Variants in RBFOX1 observed in about 807,000 individuals in gnomAD.
RBFOX1 encodes the protein RNA binding fox-1 homolog 1, also known as RNA binding protein fox-1 homolog 1.
In RBFOX1, 8 loss-of-function variants were observed where a neutral mutation model predicts 57.7. That is an observed-to-expected ratio of 0.14 (90% CI 0.08 to 0.25). The LOEUF (loss-of-function observed/expected upper bound fraction) is 0.25, where lower values mean the gene tolerates loss of function less well. RBFOX1 is among the 10% of genes least tolerant of loss of function. The probability of loss-of-function intolerance (pLI) is 1.00; values close to 1 mark genes in which losing one functional copy is unlikely to be tolerated. For missense variants in RBFOX1, 611 were observed against 548.5 expected (o/e 1.11, Z -1.14); for synonymous variants, 326 against 222.4 (o/e 1.47, Z -4.15).
At chr16:5,455,013 T>TC (rs2068582983) in intron 1 of RBFOX1, among the ~76,000 whole-genome samples, 2 of 115,868 alleles carry the variant, frequency 1.7e-5, no homozygotes, top group African/African-American at 6.1e-5. Context: ...CTTTCTTTCT[T>TC]TCTTTCTTTC....
At chr16:6,041,730 C>G (rs1228686952) in intron 1 of RBFOX1, among the ~76,000 whole-genome samples, 2 of 152,134 alleles carry the variant, frequency 1.3e-5, no homozygotes, top group Non-Finnish European at 2.9e-5. Context: ...AAGGTCTGAC[C>G]AAATACATCA....
At chr16:5,792,267 C>G (rs922972359) in intron 3 of RBFOX1, among the ~76,000 whole-genome samples, 3 of 152,110 alleles carry the variant, frequency 2.0e-5, no homozygotes, top group African/African-American at 7.2e-5. Flanking sequence ...TGTTCCAGCC[C>G]TCTGTAATCC....
At chr16:5,671,583 G>A (rs2050014312) in intron 3 of RBFOX1, among the ~76,000 whole-genome samples, 1 of 152,196 alleles carries the variant, frequency 6.6e-6, no homozygotes, top group Non-Finnish European at 1.5e-5. Context: ...AGTTTCTGGA[G>A]CATTTAGTGG....
chr16:6,078,608 C>A (rs1303040635), intron 1 of RBFOX1, among the ~76,000 whole-genome samples: 4 of 152,144 alleles, frequency 2.6e-5, no homozygotes, highest in African/African-American at 9.7e-5. Context: ...ATTGGCTTCT[C>A]CTTTAGATGC....
At chr16:7,094,775 T>TGTGTGTGG (rs879519332) in intron 4 of RBFOX1, among the ~76,000 whole-genome samples, 11 of 139,796 alleles carry the variant, frequency 7.9e-5, no homozygotes, top group South Asian at 2.4e-4. Context: ...TGTGTGTGTG[T>TGTGTGTGG]GGGTGTGTGT....
Position 5,920,473 on chromosome 16 carries a change from G to A in RBFOX1, c.351+53138G>A, listed in dbSNP as rs1340111587. Among the ~76,000 whole-genome samples the A allele has an allele frequency of 5.9e-5, 9 of 152,124 alleles. 1 individual carries two copies. The highest frequency in any genetic ancestry group is 9.7e-5 in the African/African-American group (4 of 41,424). The stretch of plus-strand genomic sequence containing the variant: ...TTCTCGTGGGTGTATACCTAGGAGT[G>A]GAATTACTGGGTTATATGGCAATTC... On this transcript the variant is annotated intron_variant, in intron 4 of 19. Coordinates refer to the RBFOX1 transcript ENST00000641259.
At chr16:5,761,954 G>C (rs1042528925) in intron 3 of RBFOX1, among the ~76,000 whole-genome samples, 2 of 152,130 alleles carry the variant, frequency 1.3e-5, no homozygotes, top group African/African-American at 4.8e-5. Flanking sequence ...ATGGGAATGA[G>C]CTTCATGGCA....
chr16:6,818,962 A>T (rs969791699), intron 3 of RBFOX1, among the ~76,000 whole-genome samples: 3 of 149,446 alleles, frequency 2.0e-5, no homozygotes, highest in Non-Finnish European at 4.4e-5. Context: ...CCACCTCTCC[A>T]TGGGTTGAAA....
chr16:6,597,022 A>G (rs1030215972), intron 2 of RBFOX1, among the ~76,000 whole-genome samples: 1 of 152,138 alleles, frequency 6.6e-6, no homozygotes, highest in Non-Finnish European at 1.5e-5. Context: ...TTTCTTATCA[A>G]CTTGGTAAAG....
chr16:5,745,299 C>G (rs906194769), intron 3 of RBFOX1, among the ~76,000 whole-genome samples: 1 of 152,126 alleles, frequency 6.6e-6, no homozygotes, highest in South Asian at 2.1e-4. Context: ...TGCATAGTAT[C>G]CCATGGTGTA....
intron 4 of RBFOX1, among the ~76,000 whole-genome samples, chr16:7,180,934 A>C (rs2082576894): frequency 6.6e-6 from 1 of 152,242 alleles, no homozygotes; most frequent in Non-Finnish European, 1.5e-5. Context: ...GTGGTGGACC[A>C]TACGGTCTGT....
chr16:5,653,599 T>G (rs868576959), intron 3 of RBFOX1, among the ~76,000 whole-genome samples: 2 of 152,290 alleles, frequency 1.3e-5, no homozygotes, highest in African/African-American at 4.8e-5. Context: ...TGACCTCCTT[T>G]GCCTCTCCCT....
chr16:7,122,289 C>T (rs547240250), intron 4 of RBFOX1, among the ~76,000 whole-genome samples: 25 of 151,936 alleles, frequency 1.6e-4, no homozygotes, highest in Non-Finnish European at 2.9e-4. Flanking sequence ...TTTGAACTCT[C>T]AAAACATAAA....
At chr16:7,404,039 T>TTTTATTTTATTTTATTTTAA (rs2098292130) in intron 4 of RBFOX1, among the ~76,000 whole-genome samples, 1 of 143,546 alleles carries the variant, frequency 7.0e-6, no homozygotes, top group Non-Finnish European at 1.5e-5. Flanking sequence ...TTTTATTTTA[T>TTTTATTTTATTTTATTTTAA]TTTATTTTAT....
intron 1 of RBFOX1, among the ~76,000 whole-genome samples, chr16:6,117,331 T>A (rs184009131): frequency 1.6e-4 from 25 of 152,356 alleles, no homozygotes; most frequent in Admixed American, 1.4e-3. Context: ...AGAAGACAGC[T>A]TCACCTTCGT....
intron 12 of RBFOX1, 22 bp downstream of exon 12, chr16:7,653,969 G>C: frequency 6.8e-7 from 1 of 1,479,810 alleles, no homozygotes; most frequent in Non-Finnish European, 8.9e-7. Flanking sequence ...AGCCTCCTGG[G>C]TGGGCCTCCC....
At chr16:7,618,533 T>A (rs755291253) in intron 10 of RBFOX1, among the ~76,000 whole-genome samples, 1 of 149,968 alleles carries the variant, frequency 6.7e-6, no homozygotes, top group African/African-American at 2.4e-5. Context: ...AGGTGACATG[T>A]TTTTTTTTAA....
chr16:6,724,003 T>G (rs908707177), intron 3 of RBFOX1: 5 of 152,056 alleles, frequency 3.3e-5, no homozygotes, highest in African/African-American at 1.2e-4. Context: ...TTGGGAGAAG[T>G]GGATATTTGC....
intron 10 of RBFOX1, among the ~76,000 whole-genome samples, chr16:7,609,310 C>T (rs570716994): frequency 1.2e-4 from 18 of 152,144 alleles, no homozygotes; most frequent in Admixed American, 1.0e-3. Flanking sequence ...TGGTCCTGTG[C>T]GATGGAGTTG....
Sources: gnomAD v4.1 joint callset for allele counts (sites outside exome capture counted in the v4.1 genomes callset) on GRCh38, gnomAD v4.1.1 for gene constraint, MANE v1.5 for transcripts, NCBI Gene and HGNC (gene_info 2026-07-23, HGNC 2026-07-21) for gene names.